RNF128: variants seen among roughly 807,000 people sequenced by gnomAD.
RNF128 encodes ring finger protein 128, also known as E3 ubiquitin-protein ligase RNF128.
A neutral mutation model predicts 26.2 loss-of-function variants in RNF128; 13 were observed. The ratio of observed to expected loss-of-function variants is 0.50; its 90% CI spans 0.32 to 0.79. The LOEUF (loss-of-function observed/expected upper bound fraction) is 0.79. RNF128 is among the 30% of genes least tolerant of loss of function. The pLI is 0.03. For synonymous variants in RNF128, 149 were observed against 142.5 expected (o/e 1.05, Z -0.32); for missense variants, 315 against 349.7 (o/e 0.90, Z 0.79).
chrX:106,698,341 T>G (rs773337153), intron 1 of RNF128, among the ~76,000 whole-genome samples: 1 of 110,739 alleles, frequency 9.0e-6, no homozygotes, highest in South Asian at 3.9e-4. Flanking sequence ...CGAAGTGGAT[T>G]AGAGTCAAGT....
intron 2 of RNF128, among the ~76,000 whole-genome samples, chrX:106,779,901 C>A (rs1046577182): frequency 1.9e-4 from 21 of 111,794 alleles, no homozygotes; most frequent in African/African-American, 6.8e-4. Flanking sequence ...AGCTACATGG[C>A]TCAGACTTTT....
intron 1 of RNF128, among the ~76,000 whole-genome samples, chrX:106,706,478 A>G: frequency 8.9e-6 from 1 of 112,027 alleles, no homozygotes; most frequent in Non-Finnish European, 1.9e-5. Context: ...TTTACATTTC[A>G]TAGTTCTATC....
chrX:106,773,223 G>T, intron 2 of RNF128, 63 bp downstream of exon 2: 2 of 1,068,739 alleles, frequency 1.9e-6, no homozygotes, highest in Non-Finnish European at 2.5e-6. Context: ...TAGTTTCAGG[G>T]TCCTGCATTT....
chrX:106,727,729 G>C (rs1929430481), intron 1 of RNF128, among the ~76,000 whole-genome samples: 1 of 111,249 alleles, frequency 9.0e-6, no homozygotes, highest in Non-Finnish European at 1.9e-5. Flanking sequence ...GTGGGCATCG[G>C]GTCTTAAATG....
At chrX:106,754,719 T>A (rs1001334654) in intron 1 of RNF128, among the ~76,000 whole-genome samples, 6 of 110,035 alleles carry the variant, frequency 5.5e-5, no homozygotes, top group African/African-American at 2.0e-4. Context: ...AAGAAGAAAA[T>A]TTTAAAATTT....
At chrX:106,706,882 A>G (rs974672370) in intron 1 of RNF128, among the ~76,000 whole-genome samples, 2 of 111,761 alleles carry the variant, frequency 1.8e-5, no homozygotes, top group African/African-American at 6.5e-5. Context: ...ATGCTCATGA[A>G]GTCATCCTTG....
At chrX:106,704,457 G>C (rs1929014828) in intron 1 of RNF128, among the ~76,000 whole-genome samples, 1 of 96,497 alleles carries the variant, frequency 1.0e-5, no homozygotes, top group African/African-American at 3.7e-5. Context: ...AAAAAAAAGA[G>C]CTGGGGAGTA....
At chrX:106,714,495 C>T (rs931088869) in intron 1 of RNF128, among the ~76,000 whole-genome samples, 6 of 111,503 alleles carry the variant, frequency 5.4e-5, no homozygotes, top group Non-Finnish European at 1.1e-4. Context: ...CCTCGTATAA[C>T]GATAGTACAA....
chrX:106,699,528 C>T (rs781207335), intron 1 of RNF128, among the ~76,000 whole-genome samples: 13 of 111,691 alleles, frequency 1.2e-4, no homozygotes, highest in Non-Finnish European at 2.3e-4. Flanking sequence ...CAAATAGCCT[C>T]CAAACTGGGC....
rs1929420925 is a variant in RNF128 at position 106,727,291 on chromosome X, C to T, written c.378C>T (p.Cys126=). Residue 126 remains cysteine (C), a synonymous_variant, in exon 1 of 7, where the codon TGC becomes TGT. Coordinates refer to ENST00000255499, the MANE Select transcript of RNF128 (RefSeq NM_194463.2). ...CCCTCATCCAACGCGGCGGGGGCTG[C>T]ACCTTCGCAGACAAGATCCATCTGG... ...WLALIQRGGG[C]TFADKIHLAY... 8.3e-7 allele frequency: 1 copy of T among 1,211,676 alleles called. No homozygotes were observed. The highest frequency in any genetic ancestry group is 1.1e-6 in the Non-Finnish European group (1 of 895,426).
intron 1 of RNF128, among the ~76,000 whole-genome samples, chrX:106,751,723 C>T (rs1929891360): frequency 9.1e-6 from 1 of 110,452 alleles, no homozygotes; most frequent in Admixed American, 9.7e-5. Flanking sequence ...CTGAAGCCCA[C>T]ACTCCAGGCC....
Position 106,790,203 on chromosome X carries a change from CAT to C in RNF128, c.906_907del (p.Val304Ter). On this transcript the variant is annotated frameshift_variant, in exon 5 of 7. Transcript: ENST00000255499. LOFTEE classifies it high-confidence loss of function. ...TGAATTAGCCATATTTTCCATAAGA[CAT>C]GTGTTGACCCATGGCTGTTAGAACA... The C allele has an allele frequency of 8.4e-7, 1 of 1,196,420 alleles. No individual in the cohort carries two copies. The highest frequency in any genetic ancestry group is 1.1e-6 in the Non-Finnish European group (1 of 884,311).
chrX:106,794,446 C>T (rs1164628830), intron 6 of RNF128, among the ~76,000 whole-genome samples: 2 of 110,943 alleles, frequency 1.8e-5, no homozygotes, highest in African/African-American at 3.3e-5. Flanking sequence ...GTTTGTTTTA[C>T]AACCTTTTAC....
At chrX:106,788,434 A>AATATTATTATAATTATAATATAT (rs1930720863) in intron 4 of RNF128, among the ~76,000 whole-genome samples, 1 of 45,773 alleles carries the variant, frequency 2.2e-5, no homozygotes, top group Non-Finnish European at 3.5e-5. Flanking sequence ...TATTATATAT[A>AATATTATTATAATTATAATATAT]ATATTATTAT....
chrX:106,796,514 G>A lies in RNF128; in HGVS notation c.*801G>A, dbSNP rs372220527. ...ACACTAATATTGGTCATTGATCTTC[G>A]TTCATGAATTAGTCTACAGAAAAAA... On this transcript the variant is annotated 3_prime_UTR_variant, in exon 7 of 7. Coordinates refer to ENST00000255499, the MANE Select transcript of RNF128 (RefSeq NM_194463.2). 8 of 111,784 alleles carry A rather than the reference G, an allele frequency of 7.2e-5. No individual in the cohort carries two copies. Among genetic ancestry groups the A allele is most frequent in the South Asian group, 7.4e-4 (2 of 2,695 alleles). The allele number at this position is 111,784 out of a possible 1,213,427, so 9.2% of individuals were successfully genotyped here. A position where few individuals can be genotyped will look rare whatever the true frequency, so the allele number is the denominator to read the frequency against.
intron 2 of RNF128, among the ~76,000 whole-genome samples, chrX:106,778,054 A>G (rs1930500110): frequency 8.9e-6 from 1 of 111,746 alleles, no homozygotes; most frequent in Admixed American, 9.5e-5. Flanking sequence ...ACAGTATATA[A>G]TTTATATAAC....
At chrX:106,700,303 C>T (rs1388236353) in intron 1 of RNF128, among the ~76,000 whole-genome samples, 2 of 110,937 alleles carry the variant, frequency 1.8e-5, no homozygotes, top group Non-Finnish European at 3.8e-5. Context: ...GGATTATAGT[C>T]GTGAGCCGTC....
Position 106,727,048 on chromosome X carries a change from G to C in RNF128, c.135G>C (p.Ala45=). Residue 45 remains alanine (A), a synonymous_variant, in exon 1 of 7, where the codon GCG becomes GCC. Coordinates refer to ENST00000255499, the MANE Select transcript of RNF128 (RefSeq NM_194463.2). ...GGGGGGCTGAAGCAGTGTGGACCGCGTACCTCAACGTGTCCTGGCGGGTTC... is the reference window on the plus strand; with the variant it reads ...GGGGGGCTGAAGCAGTGTGGACCGCCTACCTCAACGTGTCCTGGCGGGTTC... The part of the protein sequence containing the change: ...GSRGAEAVWT[A]YLNVSWRVPH... 8.3e-7 allele frequency: 1 copy of C among 1,204,784 alleles called. No homozygotes were observed. The highest frequency in any genetic ancestry group is 1.1e-6 in the Non-Finnish European group (1 of 892,347).
At chrX:106,786,905 A>G (rs1291321460) in intron 3 of RNF128, among the ~76,000 whole-genome samples, 1 of 111,910 alleles carries the variant, frequency 8.9e-6, no homozygotes, top group Non-Finnish European at 1.9e-5. Context: ...ATGAAATACA[A>G]CTACGCATTC....
Sources: allele counts gnomAD v4.1 joint callset (sites outside exome capture counted in the v4.1 genomes callset), GRCh38; gene constraint gnomAD v4.1.1; transcripts MANE v1.5; gene names NCBI Gene and HGNC (gene_info 2026-07-23, HGNC 2026-07-21).